Variants in CFAP95 observed in about 807,000 individuals in gnomAD.
CFAP95 encodes cilia and flagella associated protein 95.
chr9:69,834,235 C>T, the CFAP95 span, among the ~76,000 whole-genome samples: 19 of 152,274 alleles, frequency 1.2e-4, no homozygotes, highest in South Asian at 3.9e-3. Context: ...ACTTTTCCAC[C>T]ACCCAGTGTC....
At chr9:69,878,681 G>A in the CFAP95 span, among the ~76,000 whole-genome samples, 2 of 152,308 alleles carry the variant, frequency 1.3e-5, no homozygotes, top group Admixed American at 1.3e-4. Context: ...CTGCATAAAT[G>A]TGGATTTGTC....
the CFAP95 span, among the ~76,000 whole-genome samples, chr9:69,860,845 C>T: frequency 1.3e-5 from 2 of 152,232 alleles, no homozygotes; most frequent in African/African-American, 4.8e-5. Context: ...ACCTCCACAT[C>T]TTGAGCTTCT....
chr9:69,871,785 C>T, the CFAP95 span, among the ~76,000 whole-genome samples: 1 of 152,190 alleles, frequency 6.6e-6, no homozygotes, highest in East Asian at 1.9e-4. Flanking sequence ...ACTGATCTGT[C>T]CCAACTGCAA....
At chr9:69,826,802 A>G in the CFAP95 span, among the ~76,000 whole-genome samples, 1 of 152,190 alleles carries the variant, frequency 6.6e-6, no homozygotes, top group Non-Finnish European at 1.5e-5. Context: ...GTAGGTGCTC[A>G]ATTAATGTTT....
chr9:69,887,001 G>C, the CFAP95 span: 33 of 770,842 alleles, frequency 4.3e-5, no homozygotes, highest in African/African-American at 4.8e-4. Flanking sequence ...TAAAGCTTAT[G>C]ATATTTTACA....
the CFAP95 span, among the ~76,000 whole-genome samples, chr9:69,899,209 TATAGTAATTCACAA>T: frequency 6.6e-6 from 1 of 152,198 alleles, no homozygotes; most frequent in Non-Finnish European, 1.5e-5. Context: ...AACAGTAACA[TATAGTAATTCACAA>T]ATCTGTTTCA....
the CFAP95 span, among the ~76,000 whole-genome samples, chr9:69,828,925 A>G: frequency 6.6e-6 from 1 of 152,190 alleles, no homozygotes; most frequent in East Asian, 1.9e-4. Context: ...TTTTCCCTGG[A>G]TGCAAGCATT....
chr9:69,886,395 T>A, the CFAP95 span, among the ~76,000 whole-genome samples: 1 of 152,202 alleles, frequency 6.6e-6, no homozygotes, highest in Non-Finnish European at 1.5e-5. Context: ...TCTTTCATCC[T>A]TGCAATTATA....
chr9:69,881,201 G>A, the CFAP95 span, among the ~76,000 whole-genome samples: 1 of 152,172 alleles, frequency 6.6e-6, no homozygotes, highest in Admixed American at 6.5e-5. Context: ...TGCTTTGGCT[G>A]CCTGTGCTTG....
the CFAP95 span, among the ~76,000 whole-genome samples, chr9:69,872,290 T>C: frequency 6.6e-6 from 1 of 152,246 alleles, no homozygotes; most frequent in Non-Finnish European, 1.5e-5. Flanking sequence ...CGTTATTCCA[T>C]TCTGCTTAAC....
At chr9:69,880,806 T>G in the CFAP95 span, among the ~76,000 whole-genome samples, 2 of 152,186 alleles carry the variant, frequency 1.3e-5, no homozygotes, top group Non-Finnish European at 2.9e-5. Context: ...TTTCTCCACA[T>G]CCTCACCAGC....
the CFAP95 span, among the ~76,000 whole-genome samples, chr9:69,852,176 T>C: frequency 6.6e-6 from 1 of 152,042 alleles, no homozygotes; most frequent in Non-Finnish European, 1.5e-5. Context: ...TTTTTTTTTT[T>C]TTGGCAACGG....
At chr9:69,840,834 A>C in the CFAP95 span, among the ~76,000 whole-genome samples, 1 of 152,156 alleles carries the variant, frequency 6.6e-6, no homozygotes, top group Non-Finnish European at 1.5e-5. Flanking sequence ...CTGTGGGCAC[A>C]GCATCCATGG....
the CFAP95 span, among the ~76,000 whole-genome samples, chr9:69,855,528 A>T: frequency 6.6e-6 from 1 of 152,178 alleles, no homozygotes; most frequent in Non-Finnish European, 1.5e-5. Flanking sequence ...TCTAAGAAGA[A>T]GAGTAGTTGA....
chr9:69,839,317 T>C, the CFAP95 span, among the ~76,000 whole-genome samples: 1 of 148,430 alleles, frequency 6.7e-6, no homozygotes, highest in Non-Finnish European at 1.5e-5. Flanking sequence ...TGGTACCAGT[T>C]CCTCCTTGTA....
the CFAP95 span, among the ~76,000 whole-genome samples, chr9:69,863,450 T>G: frequency 6.6e-6 from 1 of 152,190 alleles, no homozygotes; most frequent in Non-Finnish European, 1.5e-5. Flanking sequence ...AGTTTTTATT[T>G]GCCTTCCTAC....
the CFAP95 span, among the ~76,000 whole-genome samples, chr9:69,896,434 C>T: frequency 6.6e-6 from 1 of 152,052 alleles, no homozygotes; most frequent in African/African-American, 2.4e-5. Flanking sequence ...TGTAGTGAAA[C>T]CTTACTATGT....
At chr9:69,892,155 C>T in the CFAP95 span, among the ~76,000 whole-genome samples, 1 of 152,182 alleles carries the variant, frequency 6.6e-6, no homozygotes, top group South Asian at 2.1e-4. Context: ...AATTCAATGG[C>T]ATTAAGTACA....
At chr9:69,899,923 C>A in the CFAP95 span, among the ~76,000 whole-genome samples, 1 of 152,140 alleles carries the variant, frequency 6.6e-6, no homozygotes, top group Non-Finnish European at 1.5e-5. Flanking sequence ...CAGCCCATAG[C>A]CTTTGCTGAT....
Sources: gnomAD v4.1 joint callset for allele counts (sites outside exome capture counted in the v4.1 genomes callset) on GRCh38, gnomAD v4.1.1 for gene constraint, MANE v1.5 for transcripts, NCBI Gene and HGNC (gene_info 2026-07-23, HGNC 2026-07-21) for gene names.